SREBF2: variants seen among roughly 807,000 people sequenced by gnomAD.
The protein encoded by SREBF2 is sterol regulatory element binding transcription factor 2.
SREBF2 carries 55 observed loss-of-function variants against 113.1 expected under a neutral mutation model. The observed-to-expected ratio is 0.49, with a 90% confidence interval of 0.39 to 0.61. The LOEUF is 0.61. SREBF2 is among the 20% of genes least tolerant of loss of function. The probability of loss-of-function intolerance (pLI) is 0.00; values close to 1 mark genes in which losing one functional copy is unlikely to be tolerated. For synonymous variants in SREBF2, 593 were observed against 605.7 expected (o/e 0.98, Z 0.31); for missense variants, 1,349 against 1,487.4 (o/e 0.91, Z 1.53).
chr22:41,875,225 T>C (rs2077183730), intron 5 of SREBF2, 112 bp from the exon 6 acceptor site: 8 of 840,546 alleles, frequency 9.5e-6, no homozygotes, highest in Non-Finnish European at 1.4e-5. Flanking sequence ...GCATCTGAAC[T>C]TGGTTTCTCC....
At chr22:41,868,864 C>G (rs1375899830) in intron 3 of SREBF2, 72 bp downstream of exon 3, 4 of 1,540,516 alleles carry the variant, frequency 2.6e-6, no homozygotes, top group Non-Finnish European at 2.6e-6. Context: ...AAGATGTGGT[C>G]TACATACTAA....
At chr22:41,844,771 G>A (rs1267390197) in intron 1 of SREBF2, among the ~76,000 whole-genome samples, 1 of 152,116 alleles carries the variant, frequency 6.6e-6, no homozygotes, top group African/African-American at 2.4e-5. Flanking sequence ...TTGCTAACCT[G>A]GTGTCTGCCC....
At chr22:41,836,990 C>G (rs1032062765) in intron 1 of SREBF2, among the ~76,000 whole-genome samples, 4 of 152,140 alleles carry the variant, frequency 2.6e-5, no homozygotes, top group Non-Finnish European at 5.9e-5. Flanking sequence ...TGAATGGCTT[C>G]TAAGTATTCA....
intron 1 of SREBF2, among the ~76,000 whole-genome samples, chr22:41,854,034 CAAA>C (rs1211599087): frequency 1.6e-4 from 11 of 70,632 alleles, no homozygotes; most frequent in African/African-American, 2.7e-4. Flanking sequence ...GACTCCATCT[CAAA>C]AAAAAAAAAA....
intron 15 of SREBF2, 73 bp from the exon 16 acceptor site, chr22:41,900,257 G>A: frequency 3.8e-6 from 6 of 1,586,990 alleles, no homozygotes; most frequent in Non-Finnish European, 5.1e-6. Flanking sequence ...GGCAGTCACT[G>A]GCTTGGGCCC....
intron 1 of SREBF2, among the ~76,000 whole-genome samples, chr22:41,846,036 G>A (rs1468514105): frequency 6.6e-6 from 1 of 152,200 alleles, no homozygotes; most frequent in Non-Finnish European, 1.5e-5. Flanking sequence ...CCATTTTGAA[G>A]GGCTTGACCA....
intron 1 of SREBF2, among the ~76,000 whole-genome samples, chr22:41,861,738 C>T (rs906881531): frequency 3.3e-5 from 5 of 152,026 alleles, no homozygotes; most frequent in African/African-American, 1.2e-4. Flanking sequence ...GCCTGGCCAA[C>T]ATGGTGAAAC....
chr22:41,864,170 C>A (rs2077049238), intron 1 of SREBF2, among the ~76,000 whole-genome samples: 2 of 141,822 alleles, frequency 1.4e-5, no homozygotes, highest in African/African-American at 5.3e-5. Context: ...TAAGCCACCA[C>A]CCCTGGCCTA....
chr22:41,840,124 A>G (rs1221776059), intron 1 of SREBF2, among the ~76,000 whole-genome samples: 1 of 151,838 alleles, frequency 6.6e-6, no homozygotes, highest in Non-Finnish European at 1.5e-5. Flanking sequence ...ACACCCAGCT[A>G]ATTTTTTGTA....
In SREBF2 at chr22:41,833,464, C is replaced by G. The variant is rs2076733707; in HGVS notation, c.88+106C>G. 2.0e-6 allele frequency: 2 copies of G among 984,782 alleles called. No homozygotes were observed. Among genetic ancestry groups the G allele is most frequent in the African/African-American group, 3.4e-5 (2 of 58,722 alleles). The allele number at this position is 984,782 out of a possible 1,614,324, so 61.0% of individuals were successfully genotyped here. ...CACCCCCCGACAGCCCCGGTTCGCG[C>G]GGGAAGAACCCCGTGCGCACGGTGC... On this transcript the variant is annotated intron_variant, in intron 1 of 18. Transcript: ENST00000361204. This position sits in a 1 kb window ranked among gnomAD's most constrained non-coding sequence, Gnocchi z 4.1.
chr22:41,833,578 C>T lies in SREBF2; in HGVS notation c.88+220C>T, dbSNP rs956409403. On this transcript the variant is annotated intron_variant, in intron 1 of 18. Coordinates refer to ENST00000361204, the MANE Select transcript of SREBF2 (RefSeq NM_004599.4). The surrounding 1 kb of genome is among the most constrained non-coding windows in gnomAD (Gnocchi z 4.1). The stretch of plus-strand genomic sequence containing the variant: ...GGAGGCCGTGGGATCTGGGGCGCCG[C>T]GGGGCCGAAAGCGGCGCGAGGGTCG... 18 of 430,626 alleles carry T rather than the reference C, an allele frequency of 4.2e-5. No individual in the cohort carries two copies. The highest frequency in any genetic ancestry group is 6.0e-4 in the Middle Eastern group (1 of 1,668). The allele number at this position is 430,626 out of a possible 1,614,324, so 26.7% of individuals were successfully genotyped here.
chr22:41,855,043 T>G (rs1323958276), intron 1 of SREBF2, among the ~76,000 whole-genome samples: 1 of 149,326 alleles, frequency 6.7e-6, no homozygotes, highest in Non-Finnish European at 1.5e-5. Context: ...AAACTTACTA[T>G]GTGTAATATA....
At position 41,848,567 on chromosome 22, in the gene SREBF2, A is replaced by C. The variant is rs542123120; in HGVS notation, c.88+15209A>C. 2.6e-5 allele frequency among the ~76,000 whole-genome samples: 4 copies of C among 152,336 alleles called. No individual in the cohort carries two copies. In the South Asian group the frequency reaches 6.2e-4, roughly 24 times the overall value. ...ATGGGTCGGGACTCTGGTTGATTGC[A>C]GCATCGTAGAGCCTAACTGCTGGGA... On this transcript the variant is annotated intron_variant, in intron 1 of 18. Coordinates refer to ENST00000361204, the MANE Select transcript of SREBF2 (RefSeq NM_004599.4).
rs1004696410 is a variant in SREBF2 at position 41,833,263 on chromosome 22, G to C, written c.-8G>C. ...ACGGCAGGGGGGGCTTCTGCGCTGAGCCGGGCGATGGACGACAGCGGCGAG... is the reference window on the plus strand; with the variant it reads ...ACGGCAGGGGGGGCTTCTGCGCTGACCCGGGCGATGGACGACAGCGGCGAG... On this transcript the variant is annotated 5_prime_UTR_variant, in exon 1 of 19. Coordinates refer to ENST00000361204, the MANE Select transcript of SREBF2 (RefSeq NM_004599.4). The surrounding 1 kb of genome is among the most constrained non-coding windows in gnomAD (Gnocchi z 4.1). 7.2e-6 allele frequency: 11 copies of C among 1,524,920 alleles called. No homozygotes were observed. The highest frequency in any genetic ancestry group is 9.7e-6 in the Non-Finnish European group (11 of 1,136,536). 94.5% of individuals were successfully genotyped at this position (1,524,920 alleles called of 1,614,324 possible).
At chr22:41,865,799 A>G (rs2077069528) in intron 1 of SREBF2, among the ~76,000 whole-genome samples, 2 of 152,228 alleles carry the variant, frequency 1.3e-5, no homozygotes, top group Non-Finnish European at 2.9e-5. Context: ...GTGTTGTGGT[A>G]GAAGAACACA....
At position 41,903,099 on chromosome 22, in the gene SREBF2, C is replaced by A; in HGVS notation, c.3037C>A (p.Arg1013=). Residue 1013 remains arginine, a synonymous_variant, in exon 17 of 19, where the codon CGG becomes AGG. Transcript: ENST00000361204. ...ASGAELAGFQ[R]DLGSLRRLAH... The stretch of plus-strand genomic sequence containing the variant: ...AGGCGCTGAACTGGCGGGCTTCCAA[C>A]GGGACCTGGGCAGCCTGCGCAGGCT... 1 of 1,574,956 alleles carries A rather than the reference C, an allele frequency of 6.3e-7. No homozygotes were observed. The highest frequency in any genetic ancestry group is 2.4e-5 in the East Asian group (1 of 42,350).
At position 41,833,244 on chromosome 22, in the gene SREBF2, G is replaced by A. The variant is rs1331550507; in HGVS notation, c.-27G>A. On this transcript the variant is annotated 5_prime_UTR_variant, in exon 1 of 19. Coordinates refer to ENST00000361204, the MANE Select transcript of SREBF2 (RefSeq NM_004599.4). This position sits in a 1 kb window ranked among gnomAD's most constrained non-coding sequence, Gnocchi z 4.1. Reference sequence around the variant, plus strand: ...CCGCGTCTCCCTGAGCGGGACGGCAGGGGGGGCTTCTGCGCTGAGCCGGGC... The same window carrying A: ...CCGCGTCTCCCTGAGCGGGACGGCAAGGGGGGCTTCTGCGCTGAGCCGGGC... 2.0e-6 allele frequency: 3 copies of A among 1,505,756 alleles called. No individual in the cohort carries two copies. The highest frequency in any genetic ancestry group is 2.9e-5 in the African/African-American group (2 of 69,574). 93.3% of individuals were successfully genotyped at this position (1,505,756 alleles called of 1,614,324 possible).
At chr22:41,890,636 C>G (rs1277280275) in intron 11 of SREBF2, among the ~76,000 whole-genome samples, 2 of 151,702 alleles carry the variant, frequency 1.3e-5, no homozygotes, top group Non-Finnish European at 2.9e-5. Context: ...GGGGAAGATT[C>G]TGGTGTCTAT....
intron 1 of SREBF2, among the ~76,000 whole-genome samples, chr22:41,848,732 G>T (rs1018062206): frequency 2.0e-5 from 3 of 152,104 alleles, no homozygotes; most frequent in South Asian, 2.1e-4. Flanking sequence ...TCTGCTACTC[G>T]CTCCCCACCT....
Sources: gnomAD v4.1 joint callset for allele counts (sites outside exome capture counted in the v4.1 genomes callset) on GRCh38, gnomAD v4.1.1 for gene constraint, Gnocchi (gnomAD v3.1) non-coding constraint, MANE v1.5 for transcripts, NCBI Gene and HGNC (gene_info 2026-07-23, HGNC 2026-07-21) for gene names.